CEP63: variants seen among roughly 807,000 people sequenced by gnomAD.
CEP63 encodes centrosomal protein of 63 kDa.
Under a neutral mutation model 89.1 loss-of-function variants are expected in CEP63, and 84 were observed. That is an observed-to-expected ratio of 0.94 (90% CI 0.79 to 1.13). CEP63 has a LOEUF of 1.13. Ranked by LOEUF, CEP63 falls within the 50% of genes most tolerant of loss-of-function variation. CEP63 has a pLI of 0.00. For missense variants in CEP63, 838 were observed against 813.3 expected, an observed-to-expected ratio of 1.03 and a Z score of -0.37; for synonymous variants, 267 against 272.5, an observed-to-expected ratio of 0.98 and a Z score of 0.20.
At chr3:134,669,166 C>T in the CEP63 span, among the ~76,000 whole-genome samples, 1 of 152,054 alleles carries the variant, frequency 6.6e-6, no homozygotes, top group African/African-American at 2.4e-5. Context: ...GCTGGGACTG[C>T]AGGCATGTGC....
chr3:134,778,453 T>C, the CEP63 span, among the ~76,000 whole-genome samples: 1 of 152,212 alleles, frequency 6.6e-6, no homozygotes, highest in Non-Finnish European at 1.5e-5. Context: ...AATCATAGTT[T>C]AGTCATTGCC....
the CEP63 span, among the ~76,000 whole-genome samples, chr3:134,683,641 T>C: frequency 6.6e-6 from 1 of 152,076 alleles, no homozygotes; most frequent in African/African-American, 2.4e-5. Flanking sequence ...TCCAGGACAC[T>C]TGTTTCAGAC....
intron 11 of CEP63, 60 bp downstream of exon 11, chr3:134,550,320 A>G: frequency 1.4e-6 from 2 of 1,449,860 alleles, no homozygotes; most frequent in Non-Finnish European, 9.6e-7. Context: ...GGAGTTGATT[A>G]AAGACATAAT....
the CEP63 span, chr3:134,608,218 T>C: frequency 1.6e-5 from 19 of 1,186,490 alleles, no homozygotes; most frequent in African/African-American, 1.1e-4. Context: ...GTAGCTTCTG[T>C]TGGGGACCTG....
At chr3:134,773,009 G>A in the CEP63 span, among the ~76,000 whole-genome samples, 1 of 152,200 alleles carries the variant, frequency 6.6e-6, no homozygotes, top group African/African-American at 2.4e-5. Context: ...TCCGAAGCAT[G>A]GGAACCCATG....
At chr3:134,540,468 A>G (rs1463952038) in intron 6 of CEP63, among the ~76,000 whole-genome samples, 1 of 152,154 alleles carries the variant, frequency 6.6e-6, no homozygotes, top group Non-Finnish European at 1.5e-5. Flanking sequence ...AGTACCTTCA[A>G]ATATTTTAAT....
chr3:134,601,042 C>T, the CEP63 span: 1 of 152,216 alleles, frequency 6.6e-6, no homozygotes, highest in East Asian at 1.9e-4. Flanking sequence ...GCCATTCCGC[C>T]GGCGACTGGG....
the CEP63 span, among the ~76,000 whole-genome samples, chr3:134,692,109 T>C: frequency 6.6e-6 from 1 of 152,012 alleles, no homozygotes; most frequent in Non-Finnish European, 1.5e-5. Flanking sequence ...TTTTAATTAA[T>C]TAATTAATTT....
At chr3:134,486,495 C>G (rs141776199) in intron 1 of CEP63, 129 of 985,778 alleles carry the variant, frequency 1.3e-4, no homozygotes, top group Non-Finnish European at 1.5e-4. Flanking sequence ...GGTTCGGCCC[C>G]GCCAGGTGGT....
chr3:134,519,481 GCCC>G (rs1490453411), intron 3 of CEP63, among the ~76,000 whole-genome samples: 3 of 152,064 alleles, frequency 2.0e-5, no homozygotes, highest in African/African-American at 7.2e-5. Flanking sequence ...AATCTCTTGG[GCCC>G]AGTAGACTTC....
chr3:134,644,750 G>T, the CEP63 span, among the ~76,000 whole-genome samples: 1,074 of 152,332 alleles, frequency 7.1e-3, 11 homozygotes, highest in African/African-American at 0.024. Flanking sequence ...CAATCAAGGT[G>T]GGGGGTGAGG....
the CEP63 span, among the ~76,000 whole-genome samples, chr3:134,776,662 TGA>T: frequency 6.6e-5 from 10 of 152,154 alleles, no homozygotes; most frequent in African/African-American, 2.4e-4. Flanking sequence ...GGCAGCTGGC[TGA>T]GCCTGAAGTC....
chr3:134,599,005 G>T, the CEP63 span, among the ~76,000 whole-genome samples: 1 of 152,250 alleles, frequency 6.6e-6, no homozygotes, highest in African/African-American at 2.4e-5. Context: ...CAGCAGTGCA[G>T]TCTGCCAGGG....
At chr3:134,486,025 C>T (rs1935156765), upstream of CEP63, 12 of 983,422 alleles carry the variant, frequency 1.2e-5, no homozygotes, top group Non-Finnish European at 1.4e-5. Flanking sequence ...CGTGTCTGCA[C>T]TCGCTTTCCT....
At chr3:134,516,050 G>T (rs997016412) in intron 3 of CEP63, among the ~76,000 whole-genome samples, 7 of 152,112 alleles carry the variant, frequency 4.6e-5, no homozygotes. Flanking sequence ...GGGGCCCAGG[G>T]GACCGGCGTT....
the CEP63 span, among the ~76,000 whole-genome samples, chr3:134,751,061 T>C: frequency 6.6e-6 from 1 of 152,252 alleles, no homozygotes; most frequent in East Asian, 1.9e-4. Flanking sequence ...GCCTATTTCA[T>C]ATAACTGGAA....
Position 134,530,946 on chromosome 3 carries a change from C to T in CEP63, c.223-899C>T, listed in dbSNP as rs78020189. 4.0e-4 allele frequency among the ~76,000 whole-genome samples: 61 copies of T among 152,220 alleles called. 1 individual carries two copies. The East Asian group carries it at 0.012, about 29-fold the overall frequency. On this transcript the variant is annotated intron_variant, in intron 3 of 14. Coordinates refer to ENST00000675561, the MANE Select transcript of CEP63 (RefSeq NM_001353108.3). Reference sequence around the variant, plus strand: ...TACTTACCAGTAGATGAAATTCTAGCTGGTTATTAAAAGAAATACTGCTGG... The same window carrying T: ...TACTTACCAGTAGATGAAATTCTAGTTGGTTATTAAAAGAAATACTGCTGG...
Position 134,561,474 on chromosome 3 carries a change from A to G in CEP63, c.2051A>G (p.His684Arg), listed in dbSNP as rs1957337000. Residue 684 changes from histidine (H) to arginine (R), a missense_variant, in exon 15 of 15, where the codon CAT becomes CGT. Transcript: ENST00000675561. ...CACATTCTAGAGCGCTTGGATGCCC[A>G]TATTGAAGAACTAAAAAGAGAGAGT... Reference protein sequence around the residue: ...SHHILERLDAHIEELKRESEK... With the variant: ...SHHILERLDARIEELKRESEK... 1 of 1,613,906 alleles carries G rather than the reference A, an allele frequency of 6.2e-7. No individual in the cohort carries two copies. The highest frequency in any genetic ancestry group is 2.2e-5 in the East Asian group (1 of 44,852).
intron 9 of CEP63, among the ~76,000 whole-genome samples, chr3:134,548,340 A>G (rs1459532256): frequency 2.0e-5 from 3 of 152,194 alleles, no homozygotes; most frequent in South Asian, 4.1e-4. Context: ...CAGTTGACAC[A>G]TGGTGATCCT....
Sources: gnomAD v4.1 joint callset for allele counts (sites outside exome capture counted in the v4.1 genomes callset) on GRCh38, gnomAD v4.1.1 for gene constraint, MANE v1.5 for transcripts, NCBI Gene and HGNC (gene_info 2026-07-23, HGNC 2026-07-21) for gene names.